Variants in SH3TC1 observed in about 807,000 individuals in gnomAD.
SH3TC1 encodes SH3 domain and tetratricopeptide repeat-containing protein 1.
Under a neutral mutation model 117.3 loss-of-function variants are expected in SH3TC1, and 135 were observed. The ratio of observed to expected loss-of-function variants is 1.15; its 90% CI spans 1.00 to 1.33. The LOEUF is 1.33. Among genes scored for constraint, SH3TC1 ranks in the 40% most tolerant of loss-of-function variants. SH3TC1 has a pLI of 0.00. For synonymous variants in SH3TC1, 898 were observed against 816.9 expected (o/e 1.10, Z -1.69); for missense variants, 2,092 against 1,794.3 (o/e 1.17, Z -3.00).
intron 2 of SH3TC1, among the ~76,000 whole-genome samples, chr4:8,207,077 C>CAAAA (rs34956323): frequency 7.2e-6 from 1 of 138,654 alleles, no homozygotes; most frequent in Non-Finnish European, 1.6e-5. Context: ...TCCTTTATAG[C>CAAAA]AAAAAAAAAA....
chr4:8,222,033 C>T (rs1578703127), intron 9 of SH3TC1, among the ~76,000 whole-genome samples: 2 of 152,112 alleles, frequency 1.3e-5, no homozygotes, highest in East Asian at 3.9e-4. Flanking sequence ...CTCCTTTCTC[C>T]TCCCCTCTCT....
chr4:8,193,057 G>T (rs555540794), intron 1 of SH3TC1, among the ~76,000 whole-genome samples: 3 of 152,208 alleles, frequency 2.0e-5, no homozygotes, highest in Non-Finnish European at 4.4e-5. Flanking sequence ...GGCCACACCT[G>T]TTCACTTACT....
At chr4:8,204,291 G>C (rs1452370519) in intron 1 of SH3TC1, among the ~76,000 whole-genome samples, 1 of 152,166 alleles carries the variant, frequency 6.6e-6, no homozygotes, top group Non-Finnish European at 1.5e-5. Flanking sequence ...AGGAGCTGCG[G>C]GGCACGCTGG....
rs369958443 is a variant in SH3TC1, at chr4:8,216,932, A to G, written c.629-25A>G. 6.8e-6 allele frequency: 11 copies of G among 1,610,548 alleles called. No homozygotes were observed. The African/African-American group carries it at 1.5e-4, about 21-fold the overall frequency. ...AGCTGCGCCCAGTCCGGCCACCCTC[A>G]GTGACCACCTCCATCCTTTTGAAGG... On this transcript the variant is annotated intron_variant, in intron 6 of 17. Coordinates refer to ENST00000245105, the MANE Select transcript of SH3TC1 (RefSeq NM_018986.5).
Position 8,240,753 on chromosome 4 carries a change from TG to T in SH3TC1, c.3812del (p.Gly1271AlafsTer7), listed in dbSNP as rs762673170. The T allele has an allele frequency of 6.2e-7, 1 of 1,613,934 alleles. No homozygotes were observed. The highest frequency in any genetic ancestry group is 1.1e-5 in the South Asian group (1 of 91,084). On this transcript the variant is annotated frameshift_variant, in exon 18 of 18. Coordinates refer to ENST00000245105, the MANE Select transcript of SH3TC1 (RefSeq NM_018986.5). LOFTEE classifies it low-confidence loss of function (END_TRUNC). The stretch of plus-strand genomic sequence containing the variant: ...CTGGCGCTGGCAGCCGCCGTGGACC[TG>T]GGCAACAAGAAGGCACAGCTGAAGA... ...YQLALAAAVDLGNKKAQLKIY... is the reference protein window; with the variant it reads ...YQLALAAAVDXGNKKAQLKIY...
chr4:8,225,158 C>T lies in SH3TC1; in HGVS notation c.1244-17C>T, dbSNP rs374697692. ...CTGGCTGGGGGTGTTGATTGCTTCT[C>T]TTTTCTCCCTTGCCAGACTCAGTAG... On this transcript the variant is annotated splice_polypyrimidine_tract_variant and intron_variant, in intron 10 of 17. Coordinates refer to ENST00000245105, the MANE Select transcript of SH3TC1 (RefSeq NM_018986.5). This position sits in a 1 kb window ranked among gnomAD's most constrained non-coding sequence, Gnocchi z 5.5. 1.2e-6 allele frequency: 2 copies of T among 1,613,598 alleles called. No homozygotes were observed. The highest frequency in any genetic ancestry group is 2.2e-5 in the East Asian group (1 of 44,884).
intron 1 of SH3TC1, among the ~76,000 whole-genome samples, chr4:8,202,525 A>G (rs942145062): frequency 3.3e-5 from 5 of 152,178 alleles, no homozygotes; most frequent in Non-Finnish European, 7.3e-5. Context: ...CCCGGCCCCC[A>G]CAGGTCCTGG....
At position 8,206,929 on chromosome 4, in the gene SH3TC1, G is replaced by C. The variant is rs746187792; in HGVS notation, c.172+1563G>C. Among the ~76,000 whole-genome samples the C allele has an allele frequency of 6.6e-6, 1 of 151,646 alleles. No individual in the cohort carries two copies. Among genetic ancestry groups the C allele is most frequent in the Non-Finnish European group, 1.5e-5 (1 of 67,958 alleles). On this transcript the variant is annotated intron_variant, in intron 2 of 17. Transcript: ENST00000245105. The surrounding 1 kb of genome is among the most constrained non-coding windows in gnomAD (Gnocchi z 5.5). ...ACATGATGCCCCTTCATCCTAAAAG[G>C]TGTCCATATTTCCTAAAACCAGTAC...
chr4:8,198,188 A>C (rs1350490897), upstream of SH3TC1, among the ~76,000 whole-genome samples: 1 of 152,180 alleles, frequency 6.6e-6, no homozygotes, highest in African/African-American at 2.4e-5. Context: ...CTTCAGAACC[A>C]GTCAGACCTG....
chr4:8,229,022 G>A (rs538078848), intron 12 of SH3TC1: 4 of 219,758 alleles, frequency 1.8e-5, no homozygotes, highest in South Asian at 1.5e-4. Flanking sequence ...CCTGAACGCC[G>A]GTGCTTGTGC....
At chr4:8,215,741 C>T (rs978681568) in intron 5 of SH3TC1, among the ~76,000 whole-genome samples, 3 of 152,198 alleles carry the variant, frequency 2.0e-5, no homozygotes, top group Admixed American at 6.5e-5. Context: ...TGATGCGGGG[C>T]GGGGCTTGCA....
At position 8,233,428 on chromosome 4, in the gene SH3TC1, A is replaced by G. The variant is rs1412317053; in HGVS notation, c.3197A>G (p.Lys1066Arg). 2 of 1,613,840 alleles carry G rather than the reference A, an allele frequency of 1.2e-6. No individual in the cohort carries two copies. The highest frequency in any genetic ancestry group is 1.3e-5 in the African/African-American group (1 of 74,922). Residue 1066 changes from lysine to arginine, a missense_variant, in exon 14 of 18, where the codon AAA becomes AGA. Coordinates refer to ENST00000245105, the MANE Select transcript of SH3TC1 (RefSeq NM_018986.5). ...GGGATTTTCATTGACCTCCAGAAGA[A>G]AGAGAAGGAGGCGCATGCCTGGCTG... ...SLGIFIDLQK[K>R]EKEAHAWLQA...
At chr4:8,215,939 G>A (rs573081124) in intron 5 of SH3TC1, among the ~76,000 whole-genome samples, 172 bp from the exon 6 acceptor site, 23 of 152,208 alleles carry the variant, frequency 1.5e-4, no homozygotes, top group African/African-American at 4.1e-4. Flanking sequence ...TGGTCAGGCC[G>A]TGGGCTGCTG....
upstream of SH3TC1, among the ~76,000 whole-genome samples, chr4:8,194,367 C>G (rs1403026663): frequency 1.3e-5 from 2 of 152,194 alleles, no homozygotes; most frequent in African/African-American, 2.4e-5. Flanking sequence ...CTCGCGTTTC[C>G]CAGGCCATCG....
chr4:8,230,079 C>G (rs1315947561), intron 12 of SH3TC1, among the ~76,000 whole-genome samples: 6 of 152,018 alleles, frequency 3.9e-5, no homozygotes, highest in Admixed American at 3.9e-4. Context: ...GTCGAGAAGA[C>G]CGAGGGTGGG....
chr4:8,212,606 G>A (rs1718845536), intron 3 of SH3TC1, 95 bp from the exon 4 acceptor site: 4 of 1,557,422 alleles, frequency 2.6e-6, no homozygotes, highest in Non-Finnish European at 3.5e-6. Flanking sequence ...TCGGGGTCAG[G>A]TGTGTGGGTT....
intron 14 of SH3TC1, among the ~76,000 whole-genome samples, chr4:8,234,175 CCATCCAT>C (rs1172051297): frequency 1.4e-5 from 2 of 146,704 alleles, no homozygotes; most frequent in African/African-American, 2.5e-5. Flanking sequence ...CATCATCCAT[CCATCCAT>C]CATCCATCCA....
chr4:8,207,745 C>A (rs541690180), intron 2 of SH3TC1, among the ~76,000 whole-genome samples: 2 of 152,196 alleles, frequency 1.3e-5, no homozygotes, highest in Non-Finnish European at 2.9e-5. Context: ...TTAGTGGGTG[C>A]GTCCTCACTT....
Position 8,186,160 on chromosome 4 carries a change from A to C in SH3TC1, c.-57+3950A>C, listed in dbSNP as rs1360397630. ...TCTCAAGCGGGGTTTAATTAACAGC[A>C]GCTGCTGGCGGAGGGGCTGGGGCCA... On this transcript the variant is annotated intron_variant, in intron 1 of 16. Coordinates refer to the SH3TC1 transcript ENST00000508641. The surrounding 1 kb of genome is among the most constrained non-coding windows in gnomAD (Gnocchi z 5.2). Among the ~76,000 whole-genome samples the C allele has an allele frequency of 1.3e-5, 2 of 152,212 alleles. No individual in the cohort carries two copies. The highest frequency in any genetic ancestry group is 2.9e-5 in the Non-Finnish European group (2 of 68,038).
Sources: gnomAD v4.1 joint callset for allele counts (sites outside exome capture counted in the v4.1 genomes callset) on GRCh38, gnomAD v4.1.1 for gene constraint, Gnocchi (gnomAD v3.1) non-coding constraint, MANE v1.5 for transcripts, NCBI Gene and HGNC (gene_info 2026-07-23, HGNC 2026-07-21) for gene names.